ZFYVE9: variants seen among roughly 807,000 people sequenced by gnomAD.
ZFYVE9 encodes zinc finger FYVE domain-containing protein 9.
A neutral mutation model predicts 126.7 loss-of-function variants in ZFYVE9; 43 were observed. The observed-to-expected ratio is 0.34, with a 90% CI of 0.27 to 0.44. The LOEUF (loss-of-function observed/expected upper bound fraction) is 0.44. Among genes scored for constraint, ZFYVE9 ranks in the 20% least tolerant of loss-of-function variants. The pLI is 1.00. For missense variants in ZFYVE9, 1,476 were observed against 1,697.0 expected (o/e 0.87, Z 2.29); for synonymous variants, 521 against 597.4 (o/e 0.87, Z 1.87).
chr1:52,233,310 T>C (rs1645241856), intron 3 of ZFYVE9, 34 bp downstream of exon 3: 2 of 1,515,510 alleles, frequency 1.3e-6, no homozygotes, highest in African/African-American at 1.4e-5. Flanking sequence ...TGTTTGCCTA[T>C]GTGGTATAGA....
At chr1:52,268,314 A>T (rs935004467) in intron 6 of ZFYVE9, 149 bp from the exon 7 acceptor site, 13 of 722,956 alleles carry the variant, frequency 1.8e-5, no homozygotes, top group Non-Finnish European at 2.4e-5. Context: ...AACCACTTTT[A>T]TATACAGTTA....
chr1:52,143,460 C>G (rs1644279848), intron 1 of ZFYVE9, among the ~76,000 whole-genome samples: 1 of 152,056 alleles, frequency 6.6e-6, no homozygotes, highest in African/African-American at 2.4e-5. Context: ...ACTTGCAAAA[C>G]TTTTATAATC....
intron 13 of ZFYVE9, among the ~76,000 whole-genome samples, chr1:52,308,505 T>G (rs1011431694): frequency 6.6e-6 from 1 of 152,166 alleles, no homozygotes; most frequent in Non-Finnish European, 1.5e-5. Context: ...TACATTTTAT[T>G]TAATCACAAT....
intron 13 of ZFYVE9, among the ~76,000 whole-genome samples, chr1:52,331,516 G>T (rs183082720): frequency 6.6e-6 from 1 of 151,428 alleles, no homozygotes; most frequent in African/African-American, 2.4e-5. Flanking sequence ...ACTTTGGGAG[G>T]CTGAGGTGGG....
rs1644688683 is a variant in ZFYVE9 at position 52,180,565 on chromosome 1, G to A, written c.-142-35804G>A. On this transcript the variant is annotated intron_variant, in intron 1 of 18. Transcript: ENST00000287727. The stretch of plus-strand genomic sequence containing the variant: ...TCTGAGGGTGACTGAGGCTGCAGCT[G>A]CTATCACTTTCTTGTGACAAATTGT... The A allele has an allele frequency of 7.8e-6, 5 of 639,376 alleles. No homozygotes were observed. In the East Asian group the frequency reaches 1.3e-4, roughly 16 times the overall value. The allele number at this position is 639,376 out of a possible 1,614,324, so 39.6% of individuals were successfully genotyped here. A position where few individuals can be genotyped will look rare whatever the true frequency, so the allele number is the denominator to read the frequency against.
At chr1:52,223,111 A>AG (rs1645139346) in intron 2 of ZFYVE9, among the ~76,000 whole-genome samples, 1 of 152,168 alleles carries the variant, frequency 6.6e-6, no homozygotes, top group South Asian at 2.1e-4. Flanking sequence ...CATTAAATTT[A>AG]TCAGGGGCTC....
intron 9 of ZFYVE9, among the ~76,000 whole-genome samples, chr1:52,280,431 G>T (rs1450743634): frequency 6.6e-6 from 1 of 151,674 alleles, no homozygotes; most frequent in Non-Finnish European, 1.5e-5. Context: ...ATACCATCAT[G>T]AGGAATGTCC....
intron 1 of ZFYVE9, among the ~76,000 whole-genome samples, chr1:52,155,738 G>A (rs1017331373): frequency 1.3e-5 from 2 of 152,144 alleles, no homozygotes; most frequent in African/African-American, 4.8e-5. Context: ...ATGTCAACCA[G>A]TATATGGGCC....
intron 15 of ZFYVE9, among the ~76,000 whole-genome samples, chr1:52,336,752 A>C (rs1163336966): frequency 1.3e-5 from 2 of 152,138 alleles, no homozygotes; most frequent in East Asian, 3.8e-4. Context: ...TTGTGACTTC[A>C]CAAGGTGATT....
At chr1:52,219,238 G>A (rs374254091) in intron 2 of ZFYVE9, among the ~76,000 whole-genome samples, 5 of 152,126 alleles carry the variant, frequency 3.3e-5, no homozygotes, top group Admixed American at 2.0e-4. Flanking sequence ...TGACAAGACA[G>A]GCATCGAATG....
intron 15 of ZFYVE9, among the ~76,000 whole-genome samples, chr1:52,335,584 T>A (rs1391311433): frequency 6.6e-6 from 1 of 152,186 alleles, no homozygotes; most frequent in Non-Finnish European, 1.5e-5. Context: ...CAAACATGAA[T>A]GTTCTAGCAA....
chr1:52,234,876 C>T (rs1357933950), intron 3 of ZFYVE9, among the ~76,000 whole-genome samples: 1 of 152,136 alleles, frequency 6.6e-6, no homozygotes, highest in Non-Finnish European at 1.5e-5. Flanking sequence ...CTCTGTGTAT[C>T]ACAGTTCTTT....
At chr1:52,217,782 C>A (rs192315007) in intron 2 of ZFYVE9, among the ~76,000 whole-genome samples, 87 of 152,250 alleles carry the variant, frequency 5.7e-4, no homozygotes, top group African/African-American at 2.0e-3. Flanking sequence ...TATGATTGTC[C>A]CATCAGGGGC....
At chr1:52,181,456 G>A (rs1432143962) in intron 1 of ZFYVE9, among the ~76,000 whole-genome samples, 1 of 152,206 alleles carries the variant, frequency 6.6e-6, no homozygotes. Context: ...CCAGCCGCCT[G>A]CCTTGGCCTC....
chr1:52,291,770 C>T (rs1227014632), intron 10 of ZFYVE9, among the ~76,000 whole-genome samples: 3 of 149,960 alleles, frequency 2.0e-5, no homozygotes, highest in African/African-American at 4.9e-5. Context: ...CCCAGCTACT[C>T]GGGAGGCTGA....
intron 1 of ZFYVE9, among the ~76,000 whole-genome samples, chr1:52,203,571 T>C (rs562454890): frequency 4.4e-4 from 67 of 151,456 alleles, no homozygotes; most frequent in African/African-American, 1.3e-3. Context: ...TTTTCATGCT[T>C]GGTGTTCTCT....
At chr1:52,174,471 G>A (rs1644604561) in intron 1 of ZFYVE9, among the ~76,000 whole-genome samples, 1 of 152,182 alleles carries the variant, frequency 6.6e-6, no homozygotes, top group African/African-American at 2.4e-5. Context: ...TGAGAATAAT[G>A]TATATTCTGT....
chr1:52,332,658 C>A, intron 13 of ZFYVE9, 110 bp from the exon 14 acceptor site: 2 of 1,328,834 alleles, frequency 1.5e-6, no homozygotes, highest in Non-Finnish European at 2.0e-6. Context: ...CTTTTTGTCA[C>A]TTTAATACGT....
rs566103546 is a variant in ZFYVE9 at position 52,287,188 on chromosome 1, C to T, written c.3025+5372C>T. ...CCCTGCAACCTCTGCCTCCCGGGTT[C>T]AAGTGATTCTCCTGCCTCAGCCTCC... On this transcript the variant is annotated intron_variant, in intron 10 of 18. Coordinates refer to ENST00000287727, the MANE Select transcript of ZFYVE9 (RefSeq NM_004799.4). 9.9e-5 allele frequency among the ~76,000 whole-genome samples: 15 copies of T among 152,250 alleles called. No individual in the cohort carries two copies. The South Asian group carries it at 1.9e-3, about 19-fold the overall frequency.
Sources: allele counts gnomAD v4.1 joint callset (sites outside exome capture counted in the v4.1 genomes callset), GRCh38; gene constraint gnomAD v4.1.1; transcripts MANE v1.5; gene names NCBI Gene and HGNC (gene_info 2026-07-23, HGNC 2026-07-21).